The following SLC41A2 variants were observed in gnomAD, a reference collection of about 807,000 sequenced individuals.
SLC41A2 encodes solute carrier family 41 member 2.
Under a neutral mutation model 58.3 loss-of-function variants are expected in SLC41A2, and 32 were observed. That is an observed-to-expected ratio of 0.55 (90% CI 0.41 to 0.74). The LOEUF (loss-of-function observed/expected upper bound fraction) is 0.74, where lower values mean the gene tolerates loss of function less well. SLC41A2 is among the 30% of genes least tolerant of loss of function. The pLI is 0.00. For synonymous variants in SLC41A2, 190 were observed against 235.0 expected (o/e 0.81, Z 1.75); for missense variants, 514 against 680.6 (o/e 0.76, Z 2.72).
intron 1 of SLC41A2, among the ~76,000 whole-genome samples, chr12:104,948,740 A>C (rs1593194181): frequency 1.3e-5 from 2 of 152,216 alleles, no homozygotes; most frequent in Non-Finnish European, 2.9e-5. Flanking sequence ...TGATAGAACC[A>C]AGGTGTATCA....
intron 10 of SLC41A2, among the ~76,000 whole-genome samples, chr12:104,813,635 T>TTTTTG (rs577064868): frequency 1.3e-5 from 2 of 152,054 alleles, no homozygotes; most frequent in African/African-American, 2.4e-5. Flanking sequence ...ACAAATGGGT[T>TTTTTG]TTTTGTTTTG....
chr12:104,809,539 T>C (rs932757324), intron 10 of SLC41A2, among the ~76,000 whole-genome samples: 3 of 152,332 alleles, frequency 2.0e-5, no homozygotes, highest in Non-Finnish European at 2.9e-5. Context: ...GTTTCACTGG[T>C]AGAGACTGTT....
chr12:104,898,119 T>C (rs568358912), intron 3 of SLC41A2, among the ~76,000 whole-genome samples: 6 of 152,308 alleles, frequency 3.9e-5, no homozygotes, highest in Middle Eastern at 3.4e-3. Context: ...TCTTAAAGTA[T>C]TAGAAAAATA....
chr12:104,917,505 G>T (rs998976789), intron 2 of SLC41A2, among the ~76,000 whole-genome samples: 3 of 151,884 alleles, frequency 2.0e-5, no homozygotes, highest in African/African-American at 7.3e-5. Context: ...AAATCATGCT[G>T]CTATAAAGAC....
intron 1 of SLC41A2, among the ~76,000 whole-genome samples, chr12:104,934,257 C>G (rs2047178911): frequency 6.6e-6 from 1 of 151,906 alleles, no homozygotes; most frequent in Non-Finnish European, 1.5e-5. Flanking sequence ...TAAAGAGTGC[C>G]ATTGGGATAT....
chr12:104,908,605 G>C (rs915972272), intron 3 of SLC41A2, among the ~76,000 whole-genome samples: 1 of 152,192 alleles, frequency 6.6e-6, no homozygotes, highest in Non-Finnish European at 1.5e-5. Context: ...GTTTTGGCTA[G>C]CATTTCACAG....
At chr12:104,876,034 A>G (rs2135570541) in intron 6 of SLC41A2, among the ~76,000 whole-genome samples, 1 of 152,266 alleles carries the variant, frequency 6.6e-6, no homozygotes, top group Non-Finnish European at 1.5e-5. Flanking sequence ...TATGTTTCTA[A>G]GAATTTATCC....
chr12:104,856,603 G>A (rs1407283541), intron 8 of SLC41A2, among the ~76,000 whole-genome samples: 1 of 152,092 alleles, frequency 6.6e-6, no homozygotes, highest in Non-Finnish European at 1.5e-5. Flanking sequence ...TGTAAGAGAG[G>A]AAGACATGGG....
intron 2 of SLC41A2, among the ~76,000 whole-genome samples, chr12:104,927,753 TA>T (rs1171078082): frequency 1.3e-5 from 2 of 152,186 alleles, no homozygotes; most frequent in African/African-American, 2.4e-5. Context: ...AGAGTTACTT[TA>T]CAGTCAGAAT....
intron 2 of SLC41A2, among the ~76,000 whole-genome samples, chr12:104,914,522 G>A (rs552337068): frequency 1.5e-4 from 23 of 152,270 alleles, no homozygotes; most frequent in Admixed American, 9.2e-4. Flanking sequence ...ATCTAATGTT[G>A]AAATGTTAAG....
chr12:104,882,940 T>A (rs1183033813), intron 6 of SLC41A2, among the ~76,000 whole-genome samples: 3 of 152,234 alleles, frequency 2.0e-5, no homozygotes, highest in Admixed American at 2.0e-4. Context: ...ATTCTCCTCA[T>A]CACTTTCAGG....
intron 7 of SLC41A2, 47 bp from the exon 8 acceptor site, chr12:104,861,417 T>C (rs1388348895): frequency 8.9e-6 from 12 of 1,341,586 alleles, no homozygotes; most frequent in Admixed American, 1.7e-5. Flanking sequence ...GAAGAGAACA[T>C]ACTTGAAGTT....
intron 1 of SLC41A2, among the ~76,000 whole-genome samples, chr12:104,939,425 T>C (rs2047412559): frequency 1.3e-5 from 2 of 152,194 alleles, no homozygotes; most frequent in Non-Finnish European, 2.9e-5. Context: ...CTCAAACTCC[T>C]GGCCTCAAGT....
chr12:104,878,299 T>TTATATATATA lies in SLC41A2; in HGVS notation c.1027+7984_1027+7993dup, dbSNP rs55670022. On this transcript the variant is annotated intron_variant, in intron 6 of 10. Transcript: ENST00000258538. ...AATCTGCAAATAATATACCTGTATT[T>TTATATATATA]TATATATATATATATATATATATAT... is the stretch of plus-strand genomic sequence containing the variant. Among the ~76,000 whole-genome samples, 1,147 of 139,756 alleles carry TTATATATATA rather than the reference T, an allele frequency of 8.2e-3. 16 individuals carry two copies. The highest frequency in any genetic ancestry group is 0.023 in the African/African-American group (888 of 38,382). The allele number at this position is 139,756 out of a possible 152,430, so 91.7% of individuals were successfully genotyped here.
intron 7 of SLC41A2, among the ~76,000 whole-genome samples, chr12:104,864,731 C>T (rs1347610079): frequency 6.6e-6 from 1 of 152,056 alleles, no homozygotes; most frequent in African/African-American, 2.4e-5. Flanking sequence ...TAATTTATTT[C>T]TGCCATTTAT....
chr12:104,853,911 A>ATTATTATTATTATTATT lies in SLC41A2; in HGVS notation c.1255+7379_1255+7380insAATAATAATAATAATAA. Among the ~76,000 whole-genome samples, 201 of 59,478 alleles carry ATTATTATTATTATTATT rather than the reference A, an allele frequency of 3.4e-3. 4 individuals are homozygous for ATTATTATTATTATTATT. Among genetic ancestry groups the ATTATTATTATTATTATT allele is most frequent in the African/African-American group, 0.013 (182 of 14,466 alleles). The allele number at this position is 59,478 out of a possible 152,430, so 39.0% of individuals were successfully genotyped here. A position where few individuals can be genotyped will look rare whatever the true frequency, so the allele number is the denominator to read the frequency against. On this transcript the variant is annotated intron_variant, in intron 8 of 10. Transcript: ENST00000258538. ...GGGTGCATGTCACCATGCCTGGCTG[A>ATTATTATTATTATTATT]TTTTTTTTTTTTTTTTTTTTTTTTT...
chr12:104,846,070 C>A, intron 8 of SLC41A2, 96 bp from the exon 9 acceptor site: 2 of 1,233,216 alleles, frequency 1.6e-6, no homozygotes, highest in Non-Finnish European at 2.2e-6. Context: ...ACATTCTGGG[C>A]CAATAAAACA....
chr12:104,876,488 AT>A, intron 6 of SLC41A2, among the ~76,000 whole-genome samples: 1 of 151,560 alleles, frequency 6.6e-6, no homozygotes, highest in Non-Finnish European at 1.5e-5. Context: ...TATTTTTTTA[AT>A]TTCCTTTTGG....
chr12:104,819,869 T>TA (rs1312872349), intron 10 of SLC41A2, among the ~76,000 whole-genome samples: 1 of 152,184 alleles, frequency 6.6e-6, no homozygotes, highest in Non-Finnish European at 1.5e-5. Flanking sequence ...GTGGAGTCTT[T>TA]AGTAGGTATG....
Sources: allele counts gnomAD v4.1 joint callset (sites outside exome capture counted in the v4.1 genomes callset), GRCh38; gene constraint gnomAD v4.1.1; transcripts MANE v1.5; gene names NCBI Gene and HGNC (gene_info 2026-07-23, HGNC 2026-07-21).